The following CNNM2 variants were observed in gnomAD, a reference collection of about 807,000 sequenced individuals.
The protein encoded by CNNM2 is cyclin and CBS domain divalent metal cation transport mediator 2.
Under a neutral mutation model 66.9 loss-of-function variants are expected in CNNM2, and 12 were observed. The ratio of observed to expected loss-of-function variants is 0.18; its 90% confidence interval spans 0.11 to 0.29. The LOEUF is 0.29. CNNM2 is among the 10% of genes least tolerant of loss of function. The probability of loss-of-function intolerance (pLI) is 1.00; values close to 1 mark genes in which losing one functional copy is unlikely to be tolerated. For synonymous variants in CNNM2, 557 were observed against 501.8 expected, an observed-to-expected ratio of 1.11 and a Z score of -1.47; for missense variants, 705 against 1,167.7, an observed-to-expected ratio of 0.60 and a Z score of 5.77.
At chr10:102,999,058 C>T (rs564141813) in intron 1 of CNNM2, among the ~76,000 whole-genome samples, 9 of 151,128 alleles carry the variant, frequency 6.0e-5, no homozygotes, top group South Asian at 4.2e-4. Flanking sequence ...GCAAAAAAAT[C>T]GCTTATATTT....
intron 1 of CNNM2, among the ~76,000 whole-genome samples, chr10:102,936,067 C>T (rs76505691): frequency 0.016 from 2,373 of 151,144 alleles, 55 homozygotes; most frequent in African/African-American, 0.055. Flanking sequence ...GAATGTTTTC[C>T]CATGCTAGCA....
At chr10:103,045,652 T>C (rs955641201) in intron 1 of CNNM2, among the ~76,000 whole-genome samples, 4 of 149,384 alleles carry the variant, frequency 2.7e-5, no homozygotes, top group African/African-American at 9.9e-5. Flanking sequence ...AAAAATTAGC[T>C]GATTAGGAAG....
chr10:102,978,699 G>A (rs186933357), intron 1 of CNNM2, among the ~76,000 whole-genome samples: 215 of 152,208 alleles, frequency 1.4e-3, no homozygotes, highest in African/African-American at 4.9e-3. Context: ...GTGAATTTTC[G>A]CAAACTGGTC....
chr10:103,077,458 C>T lies in CNNM2; in HGVS notation c.*278C>T. ...GAATCATGTTTATTTTTTCAGCTCT[C>T]CCTTTTATCATTATTCACACTCCTC... On this transcript the variant is annotated 3_prime_UTR_variant, in exon 8 of 8. Coordinates refer to ENST00000369878, the MANE Select transcript of CNNM2 (RefSeq NM_017649.5). 1 of 438,304 alleles carries T rather than the reference C, an allele frequency of 2.3e-6. No homozygotes were observed. The highest frequency in any genetic ancestry group is 4.0e-5 in the South Asian group (1 of 25,168). 27.2% of individuals were successfully genotyped at this position (438,304 alleles called of 1,614,324 possible).
rs2065785019 is a variant in CNNM2, at chr10:103,084,489, T to C, written c.*7309T>C. ...GCAGGGCAGAAAGTGGCAGCAGAGC[T>C]AGGGAAAGAAATCATGGTAGCACAT... On this transcript the variant is annotated 3_prime_UTR_variant, in exon 8 of 8. Transcript: ENST00000369878. 6.6e-6 allele frequency: 1 copy of C among 152,218 alleles called. No homozygotes were observed. The allele number at this position is 152,218 out of a possible 1,614,324, so 9.4% of individuals were successfully genotyped here.
rs529510526 is a variant in CNNM2, at chr10:103,053,772, T to C, written c.1766-557T>C. Among the ~76,000 whole-genome samples the C allele has an allele frequency of 7.2e-4, 110 of 152,296 alleles. 1 individual carries two copies. Among genetic ancestry groups the C allele is most frequent in the African/African-American group, 2.6e-3 (107 of 41,560 alleles). The stretch of plus-strand genomic sequence containing the variant: ...GCTTGACCTTGAGGATCTCATGGTC[T>C]GGAGTAGCAGTGAAGCAAACATATT... On this transcript the variant is annotated intron_variant, in intron 2 of 7. Transcript: ENST00000369878.
intron 1 of CNNM2, among the ~76,000 whole-genome samples, chr10:102,950,309 C>T (rs939826198): frequency 2.6e-5 from 4 of 152,074 alleles, no homozygotes; most frequent in Non-Finnish European, 4.4e-5. Context: ...CAGTTTCAGG[C>T]TGATAAGGAG....
chr10:102,939,519 C>T lies in CNNM2; in HGVS notation c.1621+19418C>T, dbSNP rs1454805253. 7.9e-5 allele frequency among the ~76,000 whole-genome samples: 12 copies of T among 152,158 alleles called. No individual in the cohort carries two copies. The East Asian group carries it at 2.1e-3, about 27-fold the overall frequency. On this transcript the variant is annotated intron_variant, in intron 1 of 7. Transcript: ENST00000369878. ...CTCTTCAGGTTGGCTCCTGCTGTTT[C>T]TCTGACTGCTTCCTTTTTCTTTTTA...
chr10:103,065,887 C>A (rs978036273), intron 4 of CNNM2, among the ~76,000 whole-genome samples: 4 of 152,218 alleles, frequency 2.6e-5, no homozygotes, highest in African/African-American at 9.7e-5. Flanking sequence ...TCCTCCCCTC[C>A]TCTTTGAAGG....
chr10:103,049,186 C>T (rs2065177148), intron 1 of CNNM2, among the ~76,000 whole-genome samples: 1 of 152,194 alleles, frequency 6.6e-6, no homozygotes, highest in Admixed American at 6.5e-5. Flanking sequence ...CCCTTTACTG[C>T]ATGTGTGTTG....
At chr10:102,990,895 T>C (rs2063886967) in intron 1 of CNNM2, among the ~76,000 whole-genome samples, 1 of 152,238 alleles carries the variant, frequency 6.6e-6, no homozygotes, top group East Asian at 1.9e-4. Flanking sequence ...TTCCTCAGCC[T>C]ACATGGAGAA....
chr10:102,939,830 G>A (rs886322400), intron 1 of CNNM2, among the ~76,000 whole-genome samples: 1 of 151,952 alleles, frequency 6.6e-6, no homozygotes, highest in African/African-American at 2.4e-5. Flanking sequence ...AATCAGCTGG[G>A]CGTGGCGCAC....
At chr10:102,964,520 C>T (rs770991228) in intron 1 of CNNM2, among the ~76,000 whole-genome samples, 5 of 152,154 alleles carry the variant, frequency 3.3e-5, no homozygotes, top group Admixed American at 1.3e-4. Context: ...TGAGCCACTG[C>T]GCCTGGCTAG....
Position 103,054,512 on chromosome 10 carries a change from C to A in CNNM2, c.1903+46C>A. On this transcript the variant is annotated intron_variant, in intron 3 of 7. Coordinates refer to ENST00000369878, the MANE Select transcript of CNNM2 (RefSeq NM_017649.5). The surrounding 1 kb of genome is among the most constrained non-coding windows in gnomAD (Gnocchi z 5.2). ...TTTGAGATCTCTACCAACCCTGAAG[C>A]GTGTTTCTCACCCACCACTGACTGG... The A allele has an allele frequency of 6.3e-7, 1 of 1,591,874 alleles. No individual in the cohort carries two copies. The highest frequency in any genetic ancestry group is 8.6e-7 in the Non-Finnish European group (1 of 1,165,994).
At chr10:102,960,010 C>A (rs2063354439) in intron 1 of CNNM2, among the ~76,000 whole-genome samples, 2 of 151,818 alleles carry the variant, frequency 1.3e-5, no homozygotes, top group South Asian at 4.2e-4. Context: ...CGAGATCACA[C>A]CACCCCACTC....
intron 1 of CNNM2, among the ~76,000 whole-genome samples, chr10:102,946,783 G>A (rs1028746666): frequency 2.0e-5 from 3 of 152,096 alleles, no homozygotes; most frequent in Non-Finnish European, 2.9e-5. Context: ...TTGAAGCACC[G>A]TTAAGAAAGG....
intron 1 of CNNM2, among the ~76,000 whole-genome samples, chr10:102,953,019 C>T (rs1240817962): frequency 2.0e-5 from 3 of 152,130 alleles, no homozygotes; most frequent in African/African-American, 7.2e-5. Context: ...TATAATTTGG[C>T]ATTTGTTGAA....
intron 1 of CNNM2, among the ~76,000 whole-genome samples, chr10:102,972,568 G>A (rs1175244598): frequency 6.6e-6 from 1 of 152,142 alleles, no homozygotes; most frequent in Non-Finnish European, 1.5e-5. Flanking sequence ...CCCGGGCGGC[G>A]GAGCTTGCAG....
rs774169900 is a variant in CNNM2 at position 103,089,796 on chromosome 10, C to T, written c.*12616C>T. ...ACTAATTGACCGTGTCAGCTGGTGC[C>T]GCTTGTAGTCAGTGTCTTTGAAATC... On this transcript the variant is annotated 3_prime_UTR_variant, in exon 8 of 8. Transcript: ENST00000369878. The T allele has an allele frequency of 2.4e-5, 39 of 1,613,854 alleles. No homozygotes were observed. Among genetic ancestry groups the T allele is most frequent in the Admixed American group, 5.0e-5 (3 of 59,982 alleles).
Sources: gnomAD v4.1 joint callset for allele counts (sites outside exome capture counted in the v4.1 genomes callset) on GRCh38, gnomAD v4.1.1 for gene constraint, Gnocchi (gnomAD v3.1) non-coding constraint, MANE v1.5 for transcripts, NCBI Gene and HGNC (gene_info 2026-07-23, HGNC 2026-07-21) for gene names.